Variants in MSRB3 observed in about 807,000 individuals in gnomAD.
MSRB3 encodes the protein methionine sulfoxide reductase B3.
Under a neutral mutation model 21.0 loss-of-function variants are expected in MSRB3, and 13 were observed. The observed-to-expected ratio is 0.62, with a 90% CI of 0.40 to 0.98. The LOEUF is 0.98. MSRB3 is among the 50% of genes least tolerant of loss of function. MSRB3 has a pLI of 0.00. For synonymous variants in MSRB3, 87 were observed against 88.6 expected (o/e 0.98, Z 0.10); for missense variants, 199 against 230.3 (o/e 0.86, Z 0.88).
intron 5 of MSRB3, among the ~76,000 whole-genome samples, chr12:65,442,569 A>G (rs1427903727): frequency 6.6e-6 from 1 of 152,076 alleles, no homozygotes; most frequent in Non-Finnish European, 1.5e-5. Flanking sequence ...TCAGCAAGCA[A>G]CCCACATCAC....
intron 2 of MSRB3, among the ~76,000 whole-genome samples, chr12:65,313,794 A>T (rs7977987): frequency 0.41 from 62,862 of 151,922 alleles, 14,405 homozygotes; most frequent in African/African-American, 0.62. Context: ...TAAAATGCCG[A>T]GGAGAGGATT....
intron 4 of MSRB3, among the ~76,000 whole-genome samples, chr12:65,339,689 C>T (rs917054302): frequency 1.8e-4 from 27 of 151,910 alleles, no homozygotes; most frequent in African/African-American, 4.4e-4. Flanking sequence ...TATAAATTTA[C>T]GTAATTTATT....
chr12:65,321,842 A>G (rs1009182376), intron 2 of MSRB3, among the ~76,000 whole-genome samples: 30 of 152,164 alleles, frequency 2.0e-4, no homozygotes, highest in Non-Finnish European at 7.4e-5. Flanking sequence ...AAAGTATACC[A>G]CCTTTAAATA....
chr12:65,337,215 C>G lies in MSRB3; in HGVS notation c.263+8612C>G, dbSNP rs563290750. On this transcript the variant is annotated intron_variant, in intron 4 of 6. Transcript: ENST00000308259. ...CGGAGATCGCGCCACAGCACTCCCGCCTGGGCGACAGAACGAGACTCCGTC... is the reference window on the plus strand; with the variant it reads ...CGGAGATCGCGCCACAGCACTCCCGGCTGGGCGACAGAACGAGACTCCGTC... 4.0e-4 allele frequency among the ~76,000 whole-genome samples: 61 copies of G among 151,964 alleles called. 2 individuals are homozygous for G. In the Middle Eastern group the frequency reaches 0.01, roughly 25 times the overall value.
At chr12:65,308,379 C>A in intron 1 of MSRB3, 150 bp from the exon 2 acceptor site, 1 of 1,024,170 alleles carries the variant, frequency 9.8e-7, no homozygotes, top group Non-Finnish European at 1.4e-6. Flanking sequence ...AGTAAGCTCA[C>A]GGGCTGAAAA....
intron 4 of MSRB3, among the ~76,000 whole-genome samples, chr12:65,359,943 C>T (rs1877605855): frequency 6.6e-6 from 1 of 151,974 alleles, no homozygotes; most frequent in African/African-American, 2.4e-5. Flanking sequence ...GGAGACTTGA[C>T]AGAATTTTAT....
At chr12:65,309,176 C>T (rs1202576413) in intron 2 of MSRB3, among the ~76,000 whole-genome samples, 1 of 152,156 alleles carries the variant, frequency 6.6e-6, no homozygotes, top group East Asian at 1.9e-4. Flanking sequence ...ATATAGCATG[C>T]ATCAGTGGGT....
At chr12:65,326,420 A>G (rs996266124) in intron 2 of MSRB3, among the ~76,000 whole-genome samples, 1 of 152,218 alleles carries the variant, frequency 6.6e-6, no homozygotes, top group Non-Finnish European at 1.5e-5. Flanking sequence ...AAATTATTGC[A>G]GACTTACGGT....
intron 5 of MSRB3, among the ~76,000 whole-genome samples, chr12:65,370,685 TACAGGC>T (rs1436502587): frequency 2.6e-5 from 4 of 152,196 alleles, no homozygotes; most frequent in Non-Finnish European, 5.9e-5. Flanking sequence ...ATAACAGCTG[TACAGGC>T]ACACATCTTT....
At chr12:65,436,180 C>G (rs1780442127) in intron 5 of MSRB3, among the ~76,000 whole-genome samples, 1 of 151,834 alleles carries the variant, frequency 6.6e-6, no homozygotes, top group African/African-American at 2.4e-5. Context: ...TCACTAATCA[C>G]AATTTCCTTG....
At chr12:65,316,211 A>G (rs1874285089) in intron 2 of MSRB3, 1 of 152,142 alleles carries the variant, frequency 6.6e-6, no homozygotes, top group Admixed American at 6.6e-5. Flanking sequence ...AGAATTTTGT[A>G]ACATTCTTGT....
At chr12:65,461,054 T>C (rs1883307636) in intron 6 of MSRB3, among the ~76,000 whole-genome samples, 1 of 145,100 alleles carries the variant, frequency 6.9e-6, no homozygotes, top group African/African-American at 2.5e-5. Flanking sequence ...CCCAGATAGC[T>C]GCATTCTCTC....
At chr12:65,459,523 G>A (rs1029833402) in intron 6 of MSRB3, among the ~76,000 whole-genome samples, 1 of 152,122 alleles carries the variant, frequency 6.6e-6, no homozygotes, top group Non-Finnish European at 1.5e-5. Context: ...AGGAAAAAAA[G>A]CCCCCACTTA....
chr12:65,382,767 C>G (rs1879006307), intron 5 of MSRB3, among the ~76,000 whole-genome samples: 1 of 151,356 alleles, frequency 6.6e-6, no homozygotes, highest in Non-Finnish European at 1.5e-5. Context: ...TTTATTTTTT[C>G]AGGGTTGTAG....
At chr12:65,423,955 A>G (rs1377202173) in intron 5 of MSRB3, among the ~76,000 whole-genome samples, 1 of 152,166 alleles carries the variant, frequency 6.6e-6, no homozygotes, top group Non-Finnish European at 1.5e-5. Flanking sequence ...TAGTGAAGCA[A>G]TTAGATCCTG....
chr12:65,386,051 A>T (rs78735202), intron 5 of MSRB3, among the ~76,000 whole-genome samples: 2 of 152,038 alleles, frequency 1.3e-5, no homozygotes, highest in East Asian at 3.9e-4. Context: ...GCCTCTACTT[A>T]CTTAAAAATC....
chr12:65,406,273 A>C (rs1478567835), intron 5 of MSRB3, among the ~76,000 whole-genome samples: 1 of 152,204 alleles, frequency 6.6e-6, no homozygotes, highest in Non-Finnish European at 1.5e-5. Flanking sequence ...GTCCAGTTTC[A>C]TTCTGCCACA....
At chr12:65,438,267 T>C (rs1371244134) in intron 5 of MSRB3, among the ~76,000 whole-genome samples, 1 of 151,846 alleles carries the variant, frequency 6.6e-6, no homozygotes, top group Non-Finnish European at 1.5e-5. Flanking sequence ...GAGACCAAAA[T>C]TTGTTGCCTA....
At position 65,463,881 on chromosome 12, in the gene MSRB3, T is replaced by C. The variant is rs1883448163; in HGVS notation, c.*559T>C. On this transcript the variant is annotated 3_prime_UTR_variant, in exon 7 of 7. Transcript: ENST00000308259. ...TGTGAAGGTCTAAAGTCTTTCCTTA[T>C]GTTAAATTGTTGCCAGATCCAAAGG... 6.4e-6 allele frequency: 1 copy of C among 155,222 alleles called. No individual in the cohort carries two copies. The highest frequency in any genetic ancestry group is 6.3e-5 in the Admixed American group (1 of 15,850). 9.6% of individuals were successfully genotyped at this position (155,222 alleles called of 1,614,324 possible).
Sources: gnomAD v4.1 joint callset for allele counts (sites outside exome capture counted in the v4.1 genomes callset) on GRCh38, gnomAD v4.1.1 for gene constraint, MANE v1.5 for transcripts, NCBI Gene and HGNC (gene_info 2026-07-23, HGNC 2026-07-21) for gene names.